Variants in ARMCX4 observed in about 807,000 individuals in gnomAD.
ARMCX4 encodes the protein armadillo repeat-containing X-linked protein 4.
In ARMCX4, 3 loss-of-function variants were observed where a neutral mutation model predicts 34.7. That is an observed-to-expected ratio of 0.09 (90% CI 0.04 to 0.22). ARMCX4 has a LOEUF of 0.22. Among genes scored for constraint, ARMCX4 ranks in the 10% least tolerant of loss-of-function variants. The probability of loss-of-function intolerance (pLI) is 1.00; values close to 1 mark genes in which losing one functional copy is unlikely to be tolerated. For missense variants in ARMCX4, 1,448 were observed against 1,720.8 expected (o/e 0.84, Z 2.81); for synonymous variants, 513 against 632.8 (o/e 0.81, Z 2.84).
In ARMCX4 at chrX:101,492,014, G is replaced by A; in HGVS notation, c.3425G>A (p.Ser1142Asn). The A allele has an allele frequency of 4.3e-6, 5 of 1,154,937 alleles. No individual in the cohort carries two copies. The highest frequency in any genetic ancestry group is 5.7e-6 in the Non-Finnish European group (5 of 872,097). The change falls in exon 6 of 6, where the codon AGT (serine) becomes AAT (asparagine). Residue 1142 changes from serine (S) to asparagine (N), a missense_variant. By Grantham distance (46) the Ser-to-Asn change is conservative. This residue lies in a region of ARMCX4 where 1,343 missense variants were observed against 1,540.7 expected (regional missense o/e 0.87). Coordinates refer to ENST00000423738, the MANE Select transcript of ARMCX4 (RefSeq NM_001256155.3). ...AATGAAGCCAGTATTGGGTCCTGGA[G>A]TGGGGCTAGTGATAAGGCTGGGATT... ...DENEASIGSW[S>N]GASDKAGIIR...
downstream of ARMCX4, among the ~76,000 whole-genome samples, chrX:101,450,444 C>T (rs1931916872): frequency 9.0e-6 from 1 of 111,719 alleles, no homozygotes; most frequent in African/African-American, 3.3e-5. Context: ...GCTTCCATGC[C>T]TGAGGCTCGT....
chrX:101,445,328 C>T lies in ARMCX4; in HGVS notation n.269-670C>T, dbSNP rs1370580361. Among the ~76,000 whole-genome samples, 4 of 112,068 alleles carry T rather than the reference C, an allele frequency of 3.6e-5. No individual in the cohort carries two copies. In the East Asian group the frequency reaches 1.1e-3, roughly 32 times the overall value. ...AAGACCACATTTTCAGTCCTGTTTT[C>T]CAGGAACTCTGTGCTCTTGGCAAAT... is the stretch of plus-strand genomic sequence containing the variant. On this transcript the variant is annotated intron_variant and non_coding_transcript_variant, in intron 3 of 3. Coordinates refer to the ARMCX4 transcript ENST00000430461.
intron 2 of ARMCX4, among the ~76,000 whole-genome samples, chrX:101,436,938 C>G (rs1374451606): frequency 9.0e-6 from 1 of 111,526 alleles, no homozygotes; most frequent in African/African-American, 3.3e-5. Context: ...TTTATATGCT[C>G]GATTACGTTT....
intron 2 of ARMCX4, among the ~76,000 whole-genome samples, chrX:101,440,990 C>G (rs1236091893): frequency 1.8e-5 from 2 of 111,031 alleles, no homozygotes; most frequent in African/African-American, 6.6e-5. Flanking sequence ...CCTGCACCCA[C>G]TTTCTGACAC....
At chrX:101,444,254 C>G (rs1047431459) in intron 3 of ARMCX4, 1 of 164,859 alleles carries the variant, frequency 6.1e-6, no homozygotes, top group African/African-American at 3.1e-5. Context: ...CACATACAGA[C>G]TAAGACAACT....
chrX:101,519,823 T>A (rs1443630399), intron 11 of ARMCX4, among the ~76,000 whole-genome samples: 6 of 111,204 alleles, frequency 5.4e-5, no homozygotes, highest in African/African-American at 2.0e-4. Context: ...CACATCCTCA[T>A]CAACACTGGT....
chrX:101,458,713 C>G (rs1380856997), intron 4 of ARMCX4, among the ~76,000 whole-genome samples: 2 of 110,901 alleles, frequency 1.8e-5, no homozygotes, highest in Non-Finnish European at 3.8e-5. Flanking sequence ...TCTCGAACTC[C>G]TGAACTCAGG....
chrX:101,432,384 T>C (rs1335546813), intron 2 of ARMCX4, among the ~76,000 whole-genome samples: 6 of 111,409 alleles, frequency 5.4e-5, no homozygotes, highest in African/African-American at 2.0e-4. Flanking sequence ...CATATAGGGC[T>C]GGGCGCGGTG....
At chrX:101,531,738 C>G (rs1367301781) in exon 12 of ARMCX4, 37 of 111,849 alleles carry the variant, frequency 3.3e-4, no homozygotes, top group African/African-American at 1.2e-3. Context: ...AAGTGCCCAA[C>G]CTGACAACAG....
chrX:101,432,981 T>TAC (rs1222886351), intron 2 of ARMCX4, among the ~76,000 whole-genome samples: 9 of 35,507 alleles, frequency 2.5e-4, no homozygotes, highest in African/African-American at 5.5e-4. Flanking sequence ...TGTGTATATA[T>TAC]ACACACATGT....
downstream of ARMCX4, among the ~76,000 whole-genome samples, chrX:101,497,707 A>G (rs782249249): frequency 8.9e-6 from 1 of 112,277 alleles, no homozygotes; most frequent in Admixed American, 9.4e-5. Context: ...TTATGCCTAC[A>G]TATTTGGAAA....
chrX:101,463,333 C>T (rs987833313), intron 4 of ARMCX4, among the ~76,000 whole-genome samples: 1 of 111,931 alleles, frequency 8.9e-6, no homozygotes, highest in African/African-American at 3.3e-5. Context: ...GCATGCAAGG[C>T]TCCTCATCCC....
At chrX:101,418,959 C>T (rs1328110786) in exon 2 of ARMCX4, 2 of 110,067 alleles carry the variant, frequency 1.8e-5, no homozygotes, top group Non-Finnish European at 3.8e-5. Context: ...CCAACCGTGA[C>T]AGCACCATAC....
At chrX:101,512,842 G>GTA (rs1375907138) in intron 11 of ARMCX4, among the ~76,000 whole-genome samples, 11 of 67,649 alleles carry the variant, frequency 1.6e-4, no homozygotes, top group African/African-American at 4.5e-4. Context: ...ATATATATGT[G>GTA]TATATATGTG....
downstream of ARMCX4, among the ~76,000 whole-genome samples, chrX:101,534,732 C>T: frequency 1.8e-5 from 2 of 110,072 alleles, no homozygotes; most frequent in Middle Eastern, 4.7e-3. Context: ...TTCTACATGA[C>T]AAAAATAAAA....
intron 2 of ARMCX4, among the ~76,000 whole-genome samples, chrX:101,420,354 G>A (rs1191247909): frequency 9.1e-6 from 1 of 109,953 alleles, no homozygotes; most frequent in East Asian, 2.9e-4. Flanking sequence ...GTGGGCCTCC[G>A]TCTCAAAAAA....
intron 4 of ARMCX4, among the ~76,000 whole-genome samples, chrX:101,474,646 T>C (rs782790130): frequency 3.1e-4 from 33 of 105,524 alleles, no homozygotes; most frequent in African/African-American, 1.1e-3. Flanking sequence ...GATGCAAGGC[T>C]GGTTCAATAT....
chrX:101,515,399 C>CTTTCTTTCTTTCTTTCTTTTTCTTTCTT (rs1556017504), intron 11 of ARMCX4, among the ~76,000 whole-genome samples: 1 of 1,362 alleles, frequency 7.3e-4, no homozygotes, highest in South Asian at 0.056. Flanking sequence ...CTTTCCCTCC[C>CTTTCTTTCTTTCTTTCTTTTTCTTTCTT]TCCCTCCCTC....
rs1458438307 is a variant in ARMCX4, at chrX:101,492,471, G to T, written c.3882G>T (p.Gly1294=). 1 of 1,151,715 alleles carries T rather than the reference G, an allele frequency of 8.7e-7. No individual in the cohort carries two copies. Among genetic ancestry groups the T allele is most frequent in the Non-Finnish European group, 1.1e-6 (1 of 871,549 alleles). 94.9% of individuals were successfully genotyped at this position (1,151,715 alleles called of 1,213,427 possible). A position where few individuals can be genotyped will look rare whatever the true frequency, so the allele number is the denominator to read the frequency against. The change falls in exon 6 of 6, where the codon GGG becomes GGT. Residue 1294 remains glycine, a synonymous_variant. Transcript: ENST00000423738. ...TGAGTAGTGTTTCATACTGGGCTGGGGTTGTGGATCAGGCCGGTGGAGGGT... is the reference window on the plus strand; with the variant it reads ...TGAGTAGTGTTTCATACTGGGCTGGTGTTGTGGATCAGGCCGGTGGAGGGT... ...GNMSSVSYWA[G]VVDQAGGGSW...
Sources: allele counts gnomAD v4.1 joint callset (sites outside exome capture counted in the v4.1 genomes callset), GRCh38; gene constraint gnomAD v4.1.1; regional missense constraint gnomAD v4.1.1; transcripts MANE v1.5; gene names NCBI Gene and HGNC (gene_info 2026-07-23, HGNC 2026-07-21).